TSHZ2: variants seen among roughly 807,000 people sequenced by gnomAD.
The protein encoded by TSHZ2 is teashirt homolog 2.
A neutral mutation model predicts 74.4 loss-of-function variants in TSHZ2; 21 were observed. The observed-to-expected ratio is 0.28, with a 90% confidence interval of 0.20 to 0.41. The LOEUF (loss-of-function observed/expected upper bound fraction) is 0.41, where lower values mean the gene tolerates loss of function less well. Ranked by LOEUF, TSHZ2 falls within the 10% of genes least tolerant of loss-of-function variation. The pLI, the probability that TSHZ2 is intolerant of heterozygous loss-of-function variation, is 1.00. For synonymous variants in TSHZ2, 540 were observed against 515.3 expected, an observed-to-expected ratio of 1.05 and a Z score of -0.65; for missense variants, 1,244 against 1,293.5, an observed-to-expected ratio of 0.96 and a Z score of 0.59.
chr20:53,076,849 T>TAATTCATTTTGGACGC (rs1215764487), intron 1 of TSHZ2, among the ~76,000 whole-genome samples: 4 of 152,198 alleles, frequency 2.6e-5, no homozygotes, highest in Non-Finnish European at 2.9e-5. Context: ...TGCAGATGCA[T>TAATTCATTTTGGACGC]AATTCATTTT....
intron 2 of TSHZ2, among the ~76,000 whole-genome samples, chr20:53,428,815 A>G (rs1421115564): frequency 6.6e-6 from 1 of 152,138 alleles, no homozygotes; most frequent in Non-Finnish European, 1.5e-5. Flanking sequence ...TAAAAATGTC[A>G]TGCATGTGAA....
At chr20:53,218,113 A>T (rs551851775) in intron 1 of TSHZ2, among the ~76,000 whole-genome samples, 25 of 152,360 alleles carry the variant, frequency 1.6e-4, no homozygotes, top group African/African-American at 5.5e-4. Flanking sequence ...AACAGTCTCA[A>T]GTCTGGTTCT....
intron 1 of TSHZ2, among the ~76,000 whole-genome samples, chr20:53,147,920 T>A (rs1357401524): frequency 6.6e-6 from 1 of 152,348 alleles, no homozygotes; most frequent in South Asian, 2.1e-4. Context: ...TTTCACCATG[T>A]TGGTCAGGCT....
intron 2 of TSHZ2, among the ~76,000 whole-genome samples, chr20:53,452,150 G>A (rs961487146): frequency 2.6e-5 from 4 of 152,232 alleles, no homozygotes; most frequent in African/African-American, 9.6e-5. Flanking sequence ...CATGCAATGG[G>A]TCTAGGCAAG....
At chr20:53,362,089 C>T (rs1026723758) in intron 2 of TSHZ2, among the ~76,000 whole-genome samples, 2 of 152,068 alleles carry the variant, frequency 1.3e-5, no homozygotes, top group African/African-American at 4.8e-5. Flanking sequence ...GTCTCGAACT[C>T]CCAACCTCAG....
intron 1 of TSHZ2, among the ~76,000 whole-genome samples, chr20:53,179,903 G>A (rs928826823): frequency 6.6e-6 from 1 of 152,134 alleles, no homozygotes; most frequent in Non-Finnish European, 1.5e-5. Flanking sequence ...TATTTACTCT[G>A]TTGTTCTCCT....
At chr20:53,215,088 G>GT (rs1989403907) in intron 1 of TSHZ2, among the ~76,000 whole-genome samples, 1 of 152,158 alleles carries the variant, frequency 6.6e-6, no homozygotes, top group Non-Finnish European at 1.5e-5. Context: ...GTTTGGGTTT[G>GT]TTTTTGCAGG....
chr20:53,456,052 T>A (rs1985062696), intron 2 of TSHZ2, among the ~76,000 whole-genome samples: 2 of 152,242 alleles, frequency 1.3e-5, no homozygotes, highest in East Asian at 3.9e-4. Context: ...GCAGCATGAT[T>A]TATAGTCCTT....
At chr20:53,211,613 G>T (rs1989305599) in intron 1 of TSHZ2, among the ~76,000 whole-genome samples, 2 of 152,168 alleles carry the variant, frequency 1.3e-5, no homozygotes, top group African/African-American at 4.8e-5. Context: ...TACTCAGCAG[G>T]CTCAGATGGG....
intron 1 of TSHZ2, among the ~76,000 whole-genome samples, chr20:53,026,223 A>T (rs1600652679): frequency 6.6e-6 from 1 of 152,102 alleles, no homozygotes; most frequent in African/African-American, 2.4e-5. Flanking sequence ...AAGAAACAGG[A>T]TCCTTCTCAT....
At position 53,305,771 on chromosome 20, in the gene TSHZ2, A is replaced by G. The variant is rs145562293; in HGVS notation, c.*8+49200A>G. Among the ~76,000 whole-genome samples, 1,402 of 152,232 alleles carry G rather than the reference A, an allele frequency of 9.2e-3. 29 individuals are homozygous for G. Among genetic ancestry groups the G allele is most frequent in the African/African-American group, 0.032 (1,316 of 41,532 alleles). On this transcript the variant is annotated intron_variant, in intron 2 of 2. Transcript: ENST00000371497. ...TAGGCAGGTGGATCATGAGGTCAGA[A>G]TTTCGAGACCATCCTGGCCAACATG...
chr20:53,047,983 C>T (rs543297046), intron 1 of TSHZ2, among the ~76,000 whole-genome samples: 1 of 152,240 alleles, frequency 6.6e-6, no homozygotes, highest in East Asian at 1.9e-4. Context: ...CGGGATGTGG[C>T]CAAGTTAGTA....
chr20:53,018,265 G>A (rs1600648556), intron 1 of TSHZ2, among the ~76,000 whole-genome samples: 1 of 152,178 alleles, frequency 6.6e-6, no homozygotes, highest in South Asian at 2.1e-4. Context: ...AAGAGAAAGT[G>A]TCTTTTTCCT....
At chr20:53,350,455 C>T (rs144610621) in intron 2 of TSHZ2, among the ~76,000 whole-genome samples, 1 of 152,308 alleles carries the variant, frequency 6.6e-6, no homozygotes, top group East Asian at 1.9e-4. Flanking sequence ...TTATGTTTGA[C>T]CAGCAACCCC....
intron 1 of TSHZ2, among the ~76,000 whole-genome samples, chr20:53,053,588 T>C (rs1055774843): frequency 1.3e-5 from 2 of 151,926 alleles, no homozygotes; most frequent in Non-Finnish European, 2.9e-5. Flanking sequence ...TGTGTATATA[T>C]ATATATATAT....
intron 1 of TSHZ2, among the ~76,000 whole-genome samples, chr20:53,027,111 T>A (rs1232739715): frequency 1.4e-5 from 1 of 71,350 alleles, no homozygotes; most frequent in East Asian, 2.5e-3. Flanking sequence ...CATATTCTAA[T>A]ACAAAAAAAA....
chr20:53,260,839 A>G (rs1990587048), intron 2 of TSHZ2, among the ~76,000 whole-genome samples: 1 of 152,202 alleles, frequency 6.6e-6, no homozygotes, highest in Non-Finnish European at 1.5e-5. Flanking sequence ...CTGTAGCCTC[A>G]CCTGCAGCGT....
chr20:53,091,127 G>A (rs2747399), intron 1 of TSHZ2, among the ~76,000 whole-genome samples: 67,459 of 152,020 alleles, frequency 0.44, 15,461 homozygotes, highest in Admixed American at 0.54. Context: ...TAATACTTGT[G>A]TAAAATGAGG....
chr20:53,063,591 T>G (rs1475243780), intron 1 of TSHZ2, among the ~76,000 whole-genome samples: 1 of 152,204 alleles, frequency 6.6e-6, no homozygotes, highest in African/African-American at 2.4e-5. Context: ...GTGGACATCA[T>G]TGTGTTATTT....
Sources: allele counts gnomAD v4.1 joint callset (sites outside exome capture counted in the v4.1 genomes callset), GRCh38; gene constraint gnomAD v4.1.1; transcripts MANE v1.5; gene names NCBI Gene and HGNC (gene_info 2026-07-23, HGNC 2026-07-21).